Variants in COL4A6 observed in about 807,000 individuals in gnomAD.
The protein encoded by COL4A6 is collagen type IV alpha 6 chain.
Under a neutral mutation model 126.7 loss-of-function variants are expected in COL4A6, and 59 were observed. The ratio of observed to expected loss-of-function variants is 0.47; its 90% CI spans 0.38 to 0.58. COL4A6 has a LOEUF of 0.58. Ranked by LOEUF, COL4A6 falls within the 20% of genes least tolerant of loss-of-function variation. The pLI is 0.00. For missense variants in COL4A6, 1,285 were observed against 1,337.3 expected, an observed-to-expected ratio of 0.96 and a Z score of 0.61; for synonymous variants, 547 against 496.6, an observed-to-expected ratio of 1.10 and a Z score of -1.35.
At chrX:108,300,643 A>T (rs1398101842) in intron 3 of COL4A6, among the ~76,000 whole-genome samples, 2 of 110,054 alleles carry the variant, frequency 1.8e-5, no homozygotes, top group African/African-American at 6.6e-5. Context: ...ACTACAGACC[A>T]TACCAGTCTA....
intron 2 of COL4A6, among the ~76,000 whole-genome samples, chrX:108,317,308 G>C (rs1052904734): frequency 8.9e-6 from 1 of 111,978 alleles, no homozygotes; most frequent in Non-Finnish European, 1.9e-5. Flanking sequence ...GAAAACTGTT[G>C]GAGAAGCTTG....
At chrX:108,289,562 T>TA (rs1045794745) in intron 3 of COL4A6, among the ~76,000 whole-genome samples, 7 of 109,905 alleles carry the variant, frequency 6.4e-5, no homozygotes, top group Non-Finnish European at 1.3e-4. Flanking sequence ...GTTTTCGTTT[T>TA]AAAAAAAAAC....
intron 13 of COL4A6, 69 bp from the exon 14 acceptor site, chrX:108,196,648 C>A (rs913811575): frequency 1.1e-6 from 1 of 918,274 alleles, no homozygotes. Flanking sequence ...TCATCCAAAG[C>A]AAGGAGGCTA....
At chrX:108,351,442 C>CTG (rs965452058) in intron 2 of COL4A6, among the ~76,000 whole-genome samples, 5,608 of 94,260 alleles carry the variant, frequency 0.059, 137 homozygotes, top group Non-Finnish European at 0.083. Flanking sequence ...CTCTCTCTCT[C>CTG]TGTGTGTGTG....
At chrX:108,390,387 T>G (rs1234193090) in intron 2 of COL4A6, among the ~76,000 whole-genome samples, 1 of 110,755 alleles carries the variant, frequency 9.0e-6, no homozygotes, top group Non-Finnish European at 1.9e-5. Context: ...AGATTTGGTC[T>G]TTTCACAAAG....
intron 3 of COL4A6, among the ~76,000 whole-genome samples, chrX:108,285,553 G>C (rs375262910): frequency 1.9e-4 from 21 of 111,543 alleles, no homozygotes; most frequent in African/African-American, 6.5e-4. Flanking sequence ...ACTTCCTGCA[G>C]ATTTTTTTTG....
chrX:108,433,795 A>C, intron 2 of COL4A6, among the ~76,000 whole-genome samples: 1 of 111,721 alleles, frequency 9.0e-6, no homozygotes, highest in Non-Finnish European at 1.9e-5. Flanking sequence ...AACTGCTGGG[A>C]TTACAGGCAT....
intron 3 of COL4A6, among the ~76,000 whole-genome samples, chrX:108,232,956 G>C (rs2036346037): frequency 8.9e-6 from 1 of 111,798 alleles, no homozygotes; most frequent in Admixed American, 9.5e-5. Flanking sequence ...CCTCAAGGAA[G>C]AGCTTTCAGT....
intron 3 of COL4A6, among the ~76,000 whole-genome samples, chrX:108,298,123 C>T (rs777636440): frequency 5.1e-4 from 57 of 112,029 alleles, no homozygotes; most frequent in South Asian, 1.1e-3. Flanking sequence ...CTGGCTCTGC[C>T]AACTGTTCTG....
At chrX:108,276,119 CT>C (rs1253265219) in intron 3 of COL4A6, among the ~76,000 whole-genome samples, 1 of 112,928 alleles carries the variant, frequency 8.9e-6, no homozygotes, top group Non-Finnish European at 1.9e-5. Flanking sequence ...ACAACCATCC[CT>C]TATGACAATT....
At chrX:108,171,539 A>ATT in intron 32 of COL4A6, 78 bp from the exon 33 acceptor site, 58 of 809,981 alleles carry the variant, frequency 7.2e-5, no homozygotes, top group Non-Finnish European at 9.5e-5. Context: ...TTTTGAACAC[A>ATT]TTTTTTTTTT....
intron 3 of COL4A6, among the ~76,000 whole-genome samples, chrX:108,298,336 C>T (rs112441293): frequency 0.031 from 3,513 of 112,755 alleles, 71 homozygotes; most frequent in Middle Eastern, 0.083. Context: ...TGGCTCTGGC[C>T]GTGGCCTGGC....
At chrX:108,257,326 G>C (rs1474656389) in intron 3 of COL4A6, among the ~76,000 whole-genome samples, 1 of 111,705 alleles carries the variant, frequency 9.0e-6, no homozygotes, top group African/African-American at 3.2e-5. Context: ...TGATTATTAG[G>C]GTTTTGTAGC....
At position 108,177,057 on chromosome X, in the gene COL4A6, T is replaced by C. The variant is rs2295915; in HGVS notation, c.2516-46A>G. 0.26 allele frequency: 291,793 copies of C among 1,129,139 alleles called. 29,638 individuals carry two copies. The highest frequency in any genetic ancestry group is 0.67 in the East Asian group (22,158 of 33,197). The allele number at this position is 1,129,139 out of a possible 1,213,427, so 93.1% of individuals were successfully genotyped here. On this transcript the variant is annotated intron_variant, in intron 27 of 44. Coordinates refer to ENST00000334504, the MANE Select transcript of COL4A6 (RefSeq NM_033641.4). ...ACACAGGACAGCTGTCAAGTGAGGC[T>C]CTGGCCAGATCTGGGCCACTGCCTA...
At chrX:108,368,036 A>G (rs1446025207) in intron 2 of COL4A6, among the ~76,000 whole-genome samples, 1 of 109,294 alleles carries the variant, frequency 9.1e-6, no homozygotes, top group Non-Finnish European at 1.9e-5. Context: ...TTTCATTAGT[A>G]TATTTTTCCA....
intron 29 of COL4A6, 32 bp from the exon 30 acceptor site, chrX:108,175,247 A>T (rs1327599830): frequency 8.8e-7 from 1 of 1,138,814 alleles, no homozygotes; most frequent in Non-Finnish European, 1.2e-6. Flanking sequence ...TGAGAAAGAG[A>T]GCTTAGACGC....
chrX:108,301,067 T>C (rs993901427), intron 3 of COL4A6, among the ~76,000 whole-genome samples: 8 of 112,077 alleles, frequency 7.1e-5, no homozygotes, highest in Non-Finnish European at 1.9e-5. Flanking sequence ...GCTTAGAGAG[T>C]TGCTGTGCAA....
intron 3 of COL4A6, among the ~76,000 whole-genome samples, chrX:108,243,187 A>G (rs2036621434): frequency 8.9e-6 from 1 of 111,866 alleles, no homozygotes. Context: ...TTGGCTGCAT[A>G]TTGGAATCAC....
At chrX:108,269,970 T>C (rs949154915) in intron 3 of COL4A6, among the ~76,000 whole-genome samples, 6 of 111,613 alleles carry the variant, frequency 5.4e-5, no homozygotes, top group Middle Eastern at 4.6e-3. Flanking sequence ...CAAGGAGTCA[T>C]CCTTGGAGTT....
Sources: allele counts gnomAD v4.1 joint callset (sites outside exome capture counted in the v4.1 genomes callset), GRCh38; gene constraint gnomAD v4.1.1; transcripts MANE v1.5; gene names NCBI Gene and HGNC (gene_info 2026-07-23, HGNC 2026-07-21).